Variants in TAMALIN observed in about 807,000 individuals in gnomAD.
The protein encoded by TAMALIN is trafficking regulator and scaffold protein tamalin.
In TAMALIN, 9 loss-of-function variants were observed where a neutral mutation model predicts 38.5. That is an observed-to-expected ratio of 0.23 (90% CI 0.14 to 0.41). TAMALIN has a LOEUF of 0.41. Among genes scored for constraint, TAMALIN ranks in the 10% least tolerant of loss-of-function variants. The pLI is 1.00. For missense variants in TAMALIN, 548 were observed against 554.1 expected (o/e 0.99, Z 0.11); for synonymous variants, 306 against 256.5 (o/e 1.19, Z -1.85).
chr12:52,010,377 C>G (rs891914775), intron 2 of TAMALIN: 1 of 332,394 alleles, frequency 3.0e-6, no homozygotes, highest in African/African-American at 2.2e-5. Context: ...CGGGAAGGGG[C>G]GGCCTCGAGG....
Position 52,009,177 on chromosome 12 carries a change from T to C in TAMALIN, c.247-13T>C. The C allele has an allele frequency of 1.2e-6, 2 of 1,613,958 alleles. No individual in the cohort carries two copies. Among genetic ancestry groups the C allele is most frequent in the Non-Finnish European group, 1.7e-6 (2 of 1,179,864 alleles). Reference sequence around the variant, plus strand: ...CCGCCTTACCTGCTCCTTCTGACCATCTTACTGCCCAGGGCTCAGGATTCC... The same window carrying C: ...CCGCCTTACCTGCTCCTTCTGACCACCTTACTGCCCAGGGCTCAGGATTCC... On this transcript the variant is annotated splice_polypyrimidine_tract_variant and intron_variant, in intron 1 of 7. Coordinates refer to ENST00000293662, the MANE Select transcript of TAMALIN (RefSeq NM_181711.4).
In TAMALIN at chr12:52,015,059, G is replaced by A; in HGVS notation, c.1048G>A (p.Ala350Thr). Residue 350 changes from alanine (A) to threonine (T), a missense_variant, in exon 8 of 8, where the codon GCG becomes ACG. Around this residue, in one of 3 missense-constraint regions of TAMALIN, gnomAD observed 415 missense variants for 417.0 expected, o/e 1.00. Coordinates refer to ENST00000293662, the MANE Select transcript of TAMALIN (RefSeq NM_181711.4). ...GGGCGGAGGCGGGGGCGCGCCGGGC[G>A]CGCTCTGGACTGAGGCTCGCGAGCA... ...GGGGGGGAPG[A>T]LWTEAREQAL... is the part of the protein sequence containing the mutation. The A allele has an allele frequency of 2.1e-6, 3 of 1,405,660 alleles. No individual in the cohort carries two copies. The highest frequency in any genetic ancestry group is 2.8e-6 in the Non-Finnish European group (3 of 1,089,704). 87.1% of individuals were successfully genotyped at this position (1,405,660 alleles called of 1,614,324 possible).
Position 52,011,058 on chromosome 12 carries a change from G to C in TAMALIN, c.371G>C (p.Arg124Pro), listed in dbSNP as rs746024485. The change falls in exon 4 of 8, where the codon CGG becomes CCG. Residue 124 changes from arginine (R) to proline (P), a missense_variant. Arg to Pro is a moderately radical substitution (Grantham distance 103). Transcript: ENST00000293662. The surrounding 1 kb of genome is among the most constrained non-coding windows in gnomAD (Gnocchi z 5.3). ...FEIQTYGLHH[R>P]EEQRVEMVTF... ...TTACAGACTTATGGCCTTCACCACC[G>C]GGAGGAGCAGCGTGTGGAAATGGTG... is the stretch of plus-strand genomic sequence containing the variant. 3 of 1,613,382 alleles carry C rather than the reference G, an allele frequency of 1.9e-6. No homozygotes were observed. The Admixed American group carries it at 5.0e-5, about 27-fold the overall frequency.
At chr12:52,013,108 C>T (rs978251504) in intron 4 of TAMALIN, among the ~76,000 whole-genome samples, 9 of 139,176 alleles carry the variant, frequency 6.5e-5, no homozygotes, top group East Asian at 2.0e-4. Context: ...GACGGAGTCT[C>T]GCTCTGTCGC....
At position 52,015,371 on chromosome 12, in the gene TAMALIN, G is replaced by A. The variant is rs1468984265; in HGVS notation, c.*172G>A. 3.1e-5 allele frequency: 24 copies of A among 765,066 alleles called. No homozygotes were observed. In the East Asian group the frequency reaches 6.2e-4, roughly 20 times the overall value. 47.4% of individuals were successfully genotyped at this position (765,066 alleles called of 1,614,324 possible). On this transcript the variant is annotated 3_prime_UTR_variant, in exon 8 of 8. Coordinates refer to ENST00000293662, the MANE Select transcript of TAMALIN (RefSeq NM_181711.4). ...CTGGTGTCTGCTGAGGGAGTGGGGG[G>A]CCCAGCCCCTTCTCTTCTCCCCCGC...
chr12:52,014,684 C>T lies in TAMALIN; in HGVS notation c.683-10C>T, dbSNP rs778701363. On this transcript the variant is annotated splice_polypyrimidine_tract_variant and intron_variant, in intron 7 of 7. Coordinates refer to ENST00000293662, the MANE Select transcript of TAMALIN (RefSeq NM_181711.4). ...CTGACCCGCCCCCTACCTCTCCCGT[C>T]TCTGCGCAGGCCTGGTGGTGAAGGA... 21 of 1,479,894 alleles carry T rather than the reference C, an allele frequency of 1.4e-5. No homozygotes were observed. The Admixed American group carries it at 3.3e-4, about 23-fold the overall frequency. 91.7% of individuals were successfully genotyped at this position (1,479,894 alleles called of 1,614,324 possible). A position where few individuals can be genotyped will look rare whatever the true frequency, so the allele number is the denominator to read the frequency against.
In TAMALIN at chr12:52,007,228, C is replaced by T; in HGVS notation, c.209C>T (p.Ala70Val). ...TATCACCCTGCCGAGCTGTACCGCGCGCTCGCCGTGTCCGGGGGCACCCTG... is the reference window on the plus strand; with the variant it reads ...TATCACCCTGCCGAGCTGTACCGCGTGCTCGCCGTGTCCGGGGGCACCCTG... ...EDYHPAELYR[A>V]LAVSGGTLPR... The change falls in exon 1 of 8, where the codon GCG becomes GTG. Residue 70 changes from alanine to valine, a missense_variant. Physicochemically the swap from Ala to Val is moderately conservative, Grantham distance 64. Around this residue, in one of 3 missense-constraint regions of TAMALIN, gnomAD observed 128 missense variants for 117.9 expected, o/e 1.09. Coordinates refer to ENST00000293662, the MANE Select transcript of TAMALIN (RefSeq NM_181711.4). This position sits in a 1 kb window ranked among gnomAD's most constrained non-coding sequence, Gnocchi z 6.7. The T allele has an allele frequency of 2.1e-6, 3 of 1,435,696 alleles. No homozygotes were observed. The highest frequency in any genetic ancestry group is 2.8e-5 in the Admixed American group (1 of 35,202). The allele number at this position is 1,435,696 out of a possible 1,614,324, so 88.9% of individuals were successfully genotyped here. A position where few individuals can be genotyped will look rare whatever the true frequency, so the allele number is the denominator to read the frequency against.
At chr12:52,014,070 C>G (rs946920733) in intron 6 of TAMALIN, 65 bp from the exon 7 acceptor site, 1 of 1,567,310 alleles carries the variant, frequency 6.4e-7, no homozygotes, top group African/African-American at 1.4e-5. Context: ...GATCCCTCGT[C>G]TGTACCCACG....
At chr12:52,008,123 G>C in intron 1 of TAMALIN, 1 of 985,420 alleles carries the variant, frequency 1.0e-6, no homozygotes, top group African/African-American at 1.7e-5. Flanking sequence ...AGACAAAGGG[G>C]TCTCTCTGTG....
chr12:52,009,291 G>C lies in TAMALIN; in HGVS notation c.296+52G>C, dbSNP rs373241178. 1.2e-5 allele frequency: 19 copies of C among 1,559,076 alleles called. No individual in the cohort carries two copies. In the African/African-American group the frequency reaches 2.3e-4, roughly 19 times the overall value. On this transcript the variant is annotated intron_variant, in intron 2 of 7. Coordinates refer to ENST00000293662, the MANE Select transcript of TAMALIN (RefSeq NM_181711.4). ...CATGGTCCAAAGGGGTGAGGTGCTG[G>C]GTTGGGGGGTGCCAGGACAGCATCT... is the stretch of plus-strand genomic sequence containing the variant.
rs994682402 is a variant in TAMALIN, at chr12:52,014,274, C to T, written c.682+73C>T. The T allele has an allele frequency of 3.1e-6, 4 of 1,274,456 alleles. No homozygotes were observed. The African/African-American group carries it at 5.9e-5, about 19-fold the overall frequency. 78.9% of individuals were successfully genotyped at this position (1,274,456 alleles called of 1,614,324 possible). A position where few individuals can be genotyped will look rare whatever the true frequency, so the allele number is the denominator to read the frequency against. On this transcript the variant is annotated intron_variant, in intron 7 of 7. Coordinates refer to ENST00000293662, the MANE Select transcript of TAMALIN (RefSeq NM_181711.4). ...CCCCATCTGCGCTTCCCCCTCAGAA[C>T]TGGCGGGTTCTAGTAAAGAACGGTT...
rs1420828491 is a variant in TAMALIN at position 52,013,918 on chromosome 12, T to A, written c.590T>A (p.Leu197Gln). 1 of 1,614,036 alleles carries A rather than the reference T, an allele frequency of 6.2e-7. No individual in the cohort carries two copies. Among genetic ancestry groups the A allele is most frequent in the Non-Finnish European group, 8.5e-7 (1 of 1,180,038 alleles). Residue 197 changes from leucine (L) to glutamine (Q), a missense_variant, in exon 6 of 8, where the codon CTG becomes CAG. By Grantham distance (113) the Leu-to-Gln change is moderately radical. Transcript: ENST00000293662. The stretch of plus-strand genomic sequence containing the variant: ...GGGACATCAATTCGGAAGGCAGAAC[T>A]GGAGGCTCGTCTGCAGTACCTGAAG... ...LYGTSIRKAE[L>Q]EARLQYLKQT... is the part of the protein sequence containing the mutation.
intron 2 of TAMALIN, among the ~76,000 whole-genome samples, 181 bp downstream of exon 2, chr12:52,009,420 A>G (rs922811428): frequency 1.3e-5 from 2 of 152,184 alleles, no homozygotes; most frequent in African/African-American, 4.8e-5. Flanking sequence ...TGGCAGAGAA[A>G]GGAGGTAGGG....
chr12:52,013,705 T>C lies in TAMALIN; in HGVS notation c.473T>C (p.Val158Ala), dbSNP rs1321953933. 1 of 1,614,092 alleles carries C rather than the reference T, an allele frequency of 6.2e-7. No individual in the cohort carries two copies. Among genetic ancestry groups the C allele is most frequent in the Non-Finnish European group, 8.5e-7 (1 of 1,179,970 alleles). The change falls in exon 5 of 8, where the codon GTC (valine) becomes GCC (alanine). Residue 158 changes from valine (V) to alanine (A), a missense_variant. Coordinates refer to ENST00000293662, the MANE Select transcript of TAMALIN (RefSeq NM_181711.4). The part of the protein sequence containing the change: ...GLTPGDTIAS[V>A]NGLNVEGIRH... ...CTGGCAGGGGACACCATCGCCAGCGTCAATGGCCTGAATGTGGAAGGCATC... is the reference window on the plus strand; with the variant it reads ...CTGGCAGGGGACACCATCGCCAGCGCCAATGGCCTGAATGTGGAAGGCATC...
At chr12:52,014,093 C>T (rs1360182389) in intron 6 of TAMALIN, 42 bp from the exon 7 acceptor site, 4 of 1,589,228 alleles carry the variant, frequency 2.5e-6, no homozygotes, top group Non-Finnish European at 3.4e-6. Flanking sequence ...CTGCTAGTTT[C>T]CTGCTAGCTT....
Position 52,014,860 on chromosome 12 carries a change from CG to C in TAMALIN, c.850del (p.Val284SerfsTer45). On this transcript the variant is annotated frameshift_variant, in exon 8 of 8. Coordinates refer to ENST00000293662, the MANE Select transcript of TAMALIN (RefSeq NM_181711.4). LOFTEE classifies it high-confidence loss of function. ...GGGCCAGGGGCGACGCCGACGACGCCGTCTACCACACGTGCTTCTTCGGGGA... is the reference window on the plus strand; with the variant it reads ...GGGCCAGGGGCGACGCCGACGACGCCTCTACCACACGTGCTTCTTCGGGGA... ...RRARGDADDA[V>X]YHTCFFGDSE... is the part of the protein sequence containing the mutation. 7.9e-7 allele frequency: 1 copy of C among 1,259,246 alleles called. No homozygotes were observed. The highest frequency in any genetic ancestry group is 1.0e-6 in the Non-Finnish European group (1 of 998,510). The allele number at this position is 1,259,246 out of a possible 1,614,324, so 78.0% of individuals were successfully genotyped here. A position where few individuals can be genotyped will look rare whatever the true frequency, so the allele number is the denominator to read the frequency against.
At position 52,010,869 on chromosome 12, in the gene TAMALIN, T is replaced by A; in HGVS notation, c.297-12T>A. On this transcript the variant is annotated splice_polypyrimidine_tract_variant and intron_variant, in intron 2 of 7. Transcript: ENST00000293662. ...TTAATCCTAATTGTCTTGACCCCTG[T>A]GTCTCTTGCAGGAAAGTGCTGACGT... 6.2e-7 allele frequency: 1 copy of A among 1,613,992 alleles called. No homozygotes were observed. Among genetic ancestry groups the A allele is most frequent in the Non-Finnish European group, 8.5e-7 (1 of 1,180,006 alleles).
In TAMALIN at chr12:52,015,341, C is replaced by T; in HGVS notation, c.*142C>T. ...CTAGCCTCGGCCCGCCGGGTCGGTT[C>T]CTGGCTGGTGTCTGCTGAGGGAGTG... On this transcript the variant is annotated 3_prime_UTR_variant, in exon 8 of 8. Transcript: ENST00000293662. 1.9e-6 allele frequency: 2 copies of T among 1,042,892 alleles called. No homozygotes were observed. The highest frequency in any genetic ancestry group is 2.6e-6 in the Non-Finnish European group (2 of 764,204). 64.6% of individuals were successfully genotyped at this position (1,042,892 alleles called of 1,614,324 possible).
intron 4 of TAMALIN, chr12:52,013,425 C>G: frequency 2.2e-6 from 1 of 462,150 alleles, no homozygotes; most frequent in East Asian, 3.8e-5. Context: ...GTGTGAGGTC[C>G]CCACCCTTTG....
Sources: allele counts gnomAD v4.1 joint callset (sites outside exome capture counted in the v4.1 genomes callset), GRCh38; gene constraint gnomAD v4.1.1; regional missense constraint gnomAD v4.1.1; non-coding constraint Gnocchi (gnomAD v3.1); transcripts MANE v1.5; gene names NCBI Gene and HGNC (gene_info 2026-07-23, HGNC 2026-07-21).